Variants in COL9A2 observed in about 807,000 individuals in gnomAD.
The protein encoded by COL9A2 is collagen type IX alpha 2 chain.
COL9A2 carries 66 observed loss-of-function variants against 111.6 expected under a neutral mutation model. That is an observed-to-expected ratio of 0.59 (90% CI 0.48 to 0.73). COL9A2 has a LOEUF of 0.73. Among genes scored for constraint, COL9A2 ranks in the 30% least tolerant of loss-of-function variants. The pLI, the probability that COL9A2 is intolerant of heterozygous loss-of-function variation, is 0.00. For missense variants in COL9A2, 881 were observed against 954.1 expected, an observed-to-expected ratio of 0.92 and a Z score of 1.01; for synonymous variants, 353 against 364.1, an observed-to-expected ratio of 0.97 and a Z score of 0.35.
chr1:40,307,485 C>T lies in COL9A2; in HGVS notation c.969G>A (p.Gln323=), dbSNP rs746031866. Residue 323 remains glutamine, a synonymous_variant, in exon 19 of 32, where the codon CAG becomes CAA. Coordinates refer to ENST00000372748, the MANE Select transcript of COL9A2 (RefSeq NM_001852.4). This position sits in a 1 kb window ranked among gnomAD's most constrained non-coding sequence, Gnocchi z 4.8. Reference sequence around the variant, plus strand: ...GGCCTGGACTTCCGGGCTGTCCCGCCTGTCCTGCACTGCCCTGGGATAGAC... The same window carrying T: ...GGCCTGGACTTCCGGGCTGTCCCGCTTGTCCTGCACTGCCCTGGGATAGAC... ...GTPGMKGSAG[Q]AGQPGSPGHQ... The T allele has an allele frequency of 6.2e-7, 1 of 1,614,214 alleles. No individual in the cohort carries two copies. The highest frequency in any genetic ancestry group is 8.5e-7 in the Non-Finnish European group (1 of 1,180,026).
At position 40,302,921 on chromosome 1, in the gene COL9A2, G is replaced by A. The variant is rs2124042153; in HGVS notation, c.1604-112C>T. 8.1e-7 allele frequency: 1 copy of A among 1,227,650 alleles called. No individual in the cohort carries two copies. The highest frequency in any genetic ancestry group is 2.5e-5 in the East Asian group (1 of 39,250). The allele number at this position is 1,227,650 out of a possible 1,614,324, so 76.0% of individuals were successfully genotyped here. ...GCCCTGGCCCCTAGGTTTGCAGACA[G>A]AAAAGCACCACCTTCCGTGGGCTCT... On this transcript the variant is annotated intron_variant, in intron 29 of 31. Transcript: ENST00000372748. The surrounding 1 kb of genome is among the most constrained non-coding windows in gnomAD (Gnocchi z 4.5).
At position 40,303,026 on chromosome 1, in the gene COL9A2, A is replaced by C; in HGVS notation, c.1603+105T>G. On this transcript the variant is annotated intron_variant, in intron 29 of 31. Transcript: ENST00000372748. The surrounding 1 kb of genome is among the most constrained non-coding windows in gnomAD (Gnocchi z 4.6). The stretch of plus-strand genomic sequence containing the variant: ...AGAGACTGGACTGGAAGGAGCCCCC[A>C]GGACTCCAGATTTTCAGACAAGTGA... 1 of 1,265,732 alleles carries C rather than the reference A, an allele frequency of 7.9e-7. No individual in the cohort carries two copies. Among genetic ancestry groups the C allele is most frequent in the Non-Finnish European group, 1.1e-6 (1 of 889,126 alleles). 78.4% of individuals were successfully genotyped at this position (1,265,732 alleles called of 1,614,324 possible). A position where few individuals can be genotyped will look rare whatever the true frequency, so the allele number is the denominator to read the frequency against.
rs113254139 is a variant in COL9A2, at chr1:40,314,012, G to T, written c.249+193C>A. On this transcript the variant is annotated intron_variant, in intron 4 of 31. Coordinates refer to ENST00000372748, the MANE Select transcript of COL9A2 (RefSeq NM_001852.4). The surrounding 1 kb of genome is among the most constrained non-coding windows in gnomAD (Gnocchi z 4.1). ...CCCTCTCTCTGGACCCCGGTTGCCT[G>T]CAAATCAATGACCCTGGGTGAGAGT... is the stretch of plus-strand genomic sequence containing the variant. Among the ~76,000 whole-genome samples the T allele has an allele frequency of 8.0e-3, 1,225 of 152,304 alleles. 12 individuals are homozygous for T. The highest frequency in any genetic ancestry group is 0.028 in the African/African-American group (1,183 of 41,562).
rs1244456346 is a variant in COL9A2 at position 40,300,496 on chromosome 1, T to A, written c.*686A>T. 6.6e-6 allele frequency: 1 copy of A among 152,280 alleles called. No homozygotes were observed. Among genetic ancestry groups the A allele is most frequent in the Non-Finnish European group, 1.5e-5 (1 of 68,100 alleles). The allele number at this position is 152,280 out of a possible 1,614,324, so 9.4% of individuals were successfully genotyped here. On this transcript the variant is annotated 3_prime_UTR_variant, in exon 32 of 32. Coordinates refer to ENST00000372748, the MANE Select transcript of COL9A2 (RefSeq NM_001852.4). This position sits in a 1 kb window ranked among gnomAD's most constrained non-coding sequence, Gnocchi z 4.4. ...AGCCCAACAACTCCTCTATCCTAGT[T>A]AACTCCAGGATAGAGTAACTCCAAT...
chr1:40,301,312 C>T lies in COL9A2; in HGVS notation c.1940G>A (p.Gly647Glu), dbSNP rs1403825066. 1.9e-6 allele frequency: 3 copies of T among 1,612,098 alleles called. No homozygotes were observed. In the African/African-American group the frequency reaches 4.0e-5, roughly 22 times the overall value. ...TGGCAGGCCAGGTCGACCTGCCTCT[C>T]CTGGAGCCCCTGGGGACCCTCGATC... ...DGDRGSPGAP[G>E]EAGRPGLPGP... The change falls in exon 32 of 32, where the codon GGA becomes GAA. Residue 647 changes from glycine to glutamate, a missense_variant. Coordinates refer to ENST00000372748, the MANE Select transcript of COL9A2 (RefSeq NM_001852.4).
chr1:40,303,245 C>T lies in COL9A2; in HGVS notation c.1549-60G>A. On this transcript the variant is annotated intron_variant, in intron 28 of 31. Coordinates refer to ENST00000372748, the MANE Select transcript of COL9A2 (RefSeq NM_001852.4). This position sits in a 1 kb window ranked among gnomAD's most constrained non-coding sequence, Gnocchi z 4.6. ...GCTACAAGGGCCCACCGCTCCTATCCCACCTGGCTGAGCGTGAGGCCGCCA... is the reference window on the plus strand; with the variant it reads ...GCTACAAGGGCCCACCGCTCCTATCTCACCTGGCTGAGCGTGAGGCCGCCA... The T allele has an allele frequency of 1.3e-6, 2 of 1,536,316 alleles. No individual in the cohort carries two copies. Among genetic ancestry groups the T allele is most frequent in the Non-Finnish European group, 1.8e-6 (2 of 1,122,318 alleles).
rs558505505 is a variant in COL9A2, at chr1:40,308,857, A to G, written c.847-612T>C. 2.0e-5 allele frequency among the ~76,000 whole-genome samples: 3 copies of G among 152,320 alleles called. No homozygotes were observed. The East Asian group carries it at 5.8e-4, about 29-fold the overall frequency. ...GGGGATAGAGGACACAAGACTGACAAAATGTTAATAACTGAATTGGAACCT... is the reference window on the plus strand; with the variant it reads ...GGGGATAGAGGACACAAGACTGACAGAATGTTAATAACTGAATTGGAACCT... On this transcript the variant is annotated intron_variant, in intron 16 of 31. Transcript: ENST00000372748.
In COL9A2 at chr1:40,312,301, G is replaced by A; in HGVS notation, c.363+155C>T. ...TGCAGAGCCAGTGGACAGGCCCAGAGTGGGCTGGCCCTGGGTCTCTGGCAG... is the reference window on the plus strand; with the variant it reads ...TGCAGAGCCAGTGGACAGGCCCAGAATGGGCTGGCCCTGGGTCTCTGGCAG... On this transcript the variant is annotated intron_variant, in intron 7 of 31. Coordinates refer to ENST00000372748, the MANE Select transcript of COL9A2 (RefSeq NM_001852.4). The surrounding 1 kb of genome is among the most constrained non-coding windows in gnomAD (Gnocchi z 6.0). 1 of 1,143,938 alleles carries A rather than the reference G, an allele frequency of 8.7e-7. No individual in the cohort carries two copies. Among genetic ancestry groups the A allele is most frequent in the South Asian group, 1.3e-5 (1 of 74,862 alleles). The allele number at this position is 1,143,938 out of a possible 1,614,324, so 70.9% of individuals were successfully genotyped here.
intron 2 of COL9A2, 195 bp downstream of exon 2, chr1:40,315,395 C>T (rs1385331443): frequency 7.1e-7 from 1 of 1,401,102 alleles, no homozygotes. Flanking sequence ...CTATAACGGG[C>T]TCCGCATGTC....
Position 40,304,779 on chromosome 1 carries a change from G to A in COL9A2, c.1161+15C>T. ...CAGAGGCCCCCGGGGAGGGGCCATT[G>A]TGCCAGGCACTTACCTTCTGTCCCA... is the stretch of plus-strand genomic sequence containing the variant. On this transcript the variant is annotated intron_variant, in intron 22 of 31. Transcript: ENST00000372748. The A allele has an allele frequency of 1.3e-6, 2 of 1,549,402 alleles. No individual in the cohort carries two copies. Among genetic ancestry groups the A allele is most frequent in the Non-Finnish European group, 1.7e-6 (2 of 1,145,822 alleles).
chr1:40,312,286 G>T lies in COL9A2; in HGVS notation c.363+170C>A. ...TAAGGACCAGAGAATTGCAGAGCCA[G>T]TGGACAGGCCCAGAGTGGGCTGGCC... On this transcript the variant is annotated intron_variant, in intron 7 of 31. Transcript: ENST00000372748. The surrounding 1 kb of genome is among the most constrained non-coding windows in gnomAD (Gnocchi z 6.0). 9.4e-7 allele frequency: 1 copy of T among 1,064,002 alleles called. No homozygotes were observed. The highest frequency in any genetic ancestry group is 1.4e-6 in the Non-Finnish European group (1 of 710,160). 65.9% of individuals were successfully genotyped at this position (1,064,002 alleles called of 1,614,324 possible).
At position 40,310,636 on chromosome 1, in the gene COL9A2, G is replaced by A; in HGVS notation, c.684+78C>T. ...CAGGTGTCTCTTTTACAAGCTAGAG[G>A]CCTGAGCAGGGGAATGACTCCATGA... On this transcript the variant is annotated intron_variant, in intron 13 of 31. Transcript: ENST00000372748. This position sits in a 1 kb window ranked among gnomAD's most constrained non-coding sequence, Gnocchi z 4.9. The A allele has an allele frequency of 7.9e-7, 1 of 1,259,090 alleles. No individual in the cohort carries two copies. The highest frequency in any genetic ancestry group is 1.1e-6 in the Non-Finnish European group (1 of 879,988). 78.0% of individuals were successfully genotyped at this position (1,259,090 alleles called of 1,614,324 possible).
chr1:40,311,460 G>GC lies in COL9A2; in HGVS notation c.519+39dup, dbSNP rs137881116. ...CCCGCCTCCCCATCTCTGTGGCCCC[G>GC]CCCCCCTGTGTTAGCCCCGCCCCAG... On this transcript the variant is annotated intron_variant, in intron 10 of 31. Transcript: ENST00000372748. The surrounding 1 kb of genome is among the most constrained non-coding windows in gnomAD (Gnocchi z 5.1). 2.3e-5 allele frequency: 11 copies of GC among 481,202 alleles called. No individual in the cohort carries two copies. The African/African-American group carries it at 3.6e-4, about 16-fold the overall frequency. 29.8% of individuals were successfully genotyped at this position (481,202 alleles called of 1,614,324 possible).
In COL9A2 at chr1:40,312,599, C is replaced by T. The variant is rs775128466; in HGVS notation, c.314G>A (p.Gly105Glu). The change falls in exon 6 of 32, where the codon GGG (glycine) becomes GAG (glutamate). Residue 105 changes from glycine to glutamate, a missense_variant. Physicochemically the swap from Gly to Glu is moderately conservative, Grantham distance 98. Coordinates refer to ENST00000372748, the MANE Select transcript of COL9A2 (RefSeq NM_001852.4). The surrounding 1 kb of genome is among the most constrained non-coding windows in gnomAD (Gnocchi z 6.0). ...MGIPGVKGQP[G>E]LPGPPGLPGP... ...CGGAAGGCCAGGAGGACCAGGAAGC[C>T]CGGGCTGGCCCTGCAGAAGCAACGA... 6 of 1,614,004 alleles carry T rather than the reference C, an allele frequency of 3.7e-6. No homozygotes were observed. Among genetic ancestry groups the T allele is most frequent in the Non-Finnish European group, 5.1e-6 (6 of 1,179,968 alleles).
Position 40,312,852 on chromosome 1 carries a change from G to A in COL9A2, c.250-68C>T. ...CTCCCTGACCCACAGAGCAGGGCAGGTTCAAGGGTCCCTCCTGGGTGGGCC... is the reference window on the plus strand; with the variant it reads ...CTCCCTGACCCACAGAGCAGGGCAGATTCAAGGGTCCCTCCTGGGTGGGCC... On this transcript the variant is annotated intron_variant, in intron 4 of 31. Coordinates refer to ENST00000372748, the MANE Select transcript of COL9A2 (RefSeq NM_001852.4). The surrounding 1 kb of genome is among the most constrained non-coding windows in gnomAD (Gnocchi z 6.0). The A allele has an allele frequency of 6.9e-7, 1 of 1,440,056 alleles. No homozygotes were observed. Among genetic ancestry groups the A allele is most frequent in the Non-Finnish European group, 9.5e-7 (1 of 1,047,752 alleles). The allele number at this position is 1,440,056 out of a possible 1,614,324, so 89.2% of individuals were successfully genotyped here.
In COL9A2 at chr1:40,315,659, AC is replaced by A. The variant is rs1369588255; in HGVS notation, c.80del (p.Gly27ValfsTer59). The stretch of plus-strand genomic sequence containing the variant: ...CCGGGGGGCCCCGCTCTCCCGGTGG[AC>A]CTCTCTGAAAAACACACACGGGGTG... Reference protein sequence around the residue: ...VVVLALAQIRGPPGERGPPGP... With the variant: ...VVVLALAQIRXPPGERGPPGP... On this transcript the variant is annotated frameshift_variant, in exon 2 of 32. Transcript: ENST00000372748. LOFTEE classifies it high-confidence loss of function. 1 of 1,552,852 alleles carries A rather than the reference AC, an allele frequency of 6.4e-7. No individual in the cohort carries two copies. The highest frequency in any genetic ancestry group is 8.7e-7 in the Non-Finnish European group (1 of 1,147,490).
In COL9A2 at chr1:40,310,983, C is replaced by T; in HGVS notation, c.630+110G>A. On this transcript the variant is annotated intron_variant, in intron 12 of 31. Transcript: ENST00000372748. This position sits in a 1 kb window ranked among gnomAD's most constrained non-coding sequence, Gnocchi z 4.9. ...CAGGCCTCCAGCCCCCGGCTCAAGGCTCTGTCCCCAGAACCCACAGGGGAA... is the reference window on the plus strand; with the variant it reads ...CAGGCCTCCAGCCCCCGGCTCAAGGTTCTGTCCCCAGAACCCACAGGGGAA... 6.9e-7 allele frequency: 1 copy of T among 1,452,444 alleles called. No homozygotes were observed. The highest frequency in any genetic ancestry group is 1.7e-5 in the Admixed American group (1 of 58,852). 90.0% of individuals were successfully genotyped at this position (1,452,444 alleles called of 1,614,324 possible). A position where few individuals can be genotyped will look rare whatever the true frequency, so the allele number is the denominator to read the frequency against.
chr1:40,310,022 C>A lies in COL9A2; in HGVS notation c.793-31G>T. On this transcript the variant is annotated intron_variant, in intron 15 of 31. Transcript: ENST00000372748. The surrounding 1 kb of genome is among the most constrained non-coding windows in gnomAD (Gnocchi z 4.9). Reference sequence around the variant, plus strand: ...AAGAAAGACAAGCAGGAATCCAGGTCACACAGGCTCAGGGGGAGCCATGCC... The same window carrying A: ...AAGAAAGACAAGCAGGAATCCAGGTAACACAGGCTCAGGGGGAGCCATGCC... 1 of 1,614,126 alleles carries A rather than the reference C, an allele frequency of 6.2e-7. No individual in the cohort carries two copies. The highest frequency in any genetic ancestry group is 1.1e-5 in the South Asian group (1 of 91,054).
intron 16 of COL9A2, among the ~76,000 whole-genome samples, chr1:40,309,631 GAC>G (rs990289912): frequency 1.3e-5 from 2 of 151,574 alleles, no homozygotes; most frequent in Non-Finnish European, 2.9e-5. Context: ...CACTTGGGCA[GAC>G]ACACACACAC....
Sources: allele counts gnomAD v4.1 joint callset (sites outside exome capture counted in the v4.1 genomes callset), GRCh38; gene constraint gnomAD v4.1.1; non-coding constraint Gnocchi (gnomAD v3.1); transcripts MANE v1.5; gene names NCBI Gene and HGNC (gene_info 2026-07-23, HGNC 2026-07-21).